Variants in TPRG1 observed in about 807,000 individuals in gnomAD.
TPRG1 encodes tumor protein p63 regulated 1.
In TPRG1, 29 loss-of-function variants were observed where a neutral mutation model predicts 29.3. That is an observed-to-expected ratio of 0.99 (90% CI 0.74 to 1.35). The LOEUF (loss-of-function observed/expected upper bound fraction) is 1.35. TPRG1 is among the 40% of genes most tolerant of loss of function. The pLI is 0.00. For synonymous variants in TPRG1, 130 were observed against 116.8 expected (o/e 1.11, Z -0.73); for missense variants, 327 against 335.0 (o/e 0.98, Z 0.19).
At chr3:189,021,531 C>A (rs1043829695) in intron 3 of TPRG1, among the ~76,000 whole-genome samples, 1 of 152,084 alleles carries the variant, frequency 6.6e-6, no homozygotes, top group Admixed American at 6.6e-5. Flanking sequence ...GTTGAAAATT[C>A]TTTTCTTTAA....
intron 4 of TPRG1, among the ~76,000 whole-genome samples, chr3:189,056,430 C>T (rs1262239196): frequency 6.6e-6 from 1 of 152,014 alleles, no homozygotes; most frequent in African/African-American, 2.4e-5. Context: ...TTTTCTCTCC[C>T]CCTTATTTGT....
chr3:189,296,750 G>C (rs2109239397), intron 4 of TPRG1, among the ~76,000 whole-genome samples: 1 of 152,294 alleles, frequency 6.6e-6, no homozygotes, highest in East Asian at 1.9e-4. Flanking sequence ...AGTTGCTATT[G>C]CTTTTTAAAA....
intron 4 of TPRG1, among the ~76,000 whole-genome samples, chr3:189,067,711 A>G (rs529988143): frequency 6.6e-6 from 1 of 152,234 alleles, no homozygotes; most frequent in Non-Finnish European, 1.5e-5. Flanking sequence ...ACCTCAAGCT[A>G]TGAAACTACT....
chr3:189,075,418 G>A (rs1386167745), intron 4 of TPRG1, among the ~76,000 whole-genome samples: 1 of 152,204 alleles, frequency 6.6e-6, no homozygotes, highest in African/African-American at 2.4e-5. Flanking sequence ...TTACAGGAGT[G>A]AGCCACTGCA....
intron 4 of TPRG1, among the ~76,000 whole-genome samples, chr3:189,037,068 A>T (rs1165701195): frequency 6.6e-6 from 1 of 150,824 alleles, no homozygotes; most frequent in African/African-American, 2.4e-5. Flanking sequence ...AAAAAAAATC[A>T]CCCTCCTTTC....
chr3:189,160,385 A>C (rs1208386164), intron 5 of TPRG1, among the ~76,000 whole-genome samples: 2 of 152,122 alleles, frequency 1.3e-5, no homozygotes, highest in African/African-American at 4.8e-5. Context: ...GTGCTCAGTA[A>C]ATCCCTCCTC....
chr3:189,292,539 C>A (rs889526471), intron 4 of TPRG1, among the ~76,000 whole-genome samples: 2 of 152,070 alleles, frequency 1.3e-5, no homozygotes, highest in African/African-American at 4.8e-5. Flanking sequence ...GGGAGATTAA[C>A]AGAAATAACA....
intron 4 of TPRG1, among the ~76,000 whole-genome samples, chr3:189,250,334 G>A (rs1177758912): frequency 6.6e-6 from 1 of 152,086 alleles, no homozygotes; most frequent in South Asian, 2.1e-4. Flanking sequence ...GGAATCCCGG[G>A]TTCTAGTCCC....
intron 3 of TPRG1, among the ~76,000 whole-genome samples, chr3:189,140,372 A>G (rs1487494971): frequency 2.0e-5 from 3 of 152,160 alleles, no homozygotes; most frequent in African/African-American, 7.2e-5. Flanking sequence ...CAGTTACTTC[A>G]TCTGTAAAAT....
intron 5 of TPRG1, among the ~76,000 whole-genome samples, chr3:189,162,371 G>T (rs1015305189): frequency 1.4e-4 from 21 of 152,314 alleles, no homozygotes; most frequent in African/African-American, 5.1e-4. Context: ...GTTTAGTTTG[G>T]CTGAAGAATA....
intron 3 of TPRG1, chr3:189,132,838 A>G (rs913827017): frequency 1.3e-5 from 2 of 152,162 alleles, no homozygotes; most frequent in Non-Finnish European, 2.9e-5. Context: ...CCAGTGTAGT[A>G]TGTCTATTTT....
At chr3:189,207,126 A>T in intron 1 of TPRG1, 1 of 976,098 alleles carries the variant, frequency 1.0e-6, no homozygotes, top group Non-Finnish European at 1.2e-6. Context: ...GTCTCCTGGG[A>T]TTAAACTCCT....
intron 4 of TPRG1, among the ~76,000 whole-genome samples, chr3:189,034,619 TAAA>T (rs1005901791): frequency 6.6e-6 from 1 of 151,928 alleles, no homozygotes; most frequent in Non-Finnish European, 1.5e-5. Flanking sequence ...TTTAAACAGA[TAAA>T]AAAGAAAAAG....
chr3:189,105,500 C>T (rs185585597), intron 1 of TPRG1, among the ~76,000 whole-genome samples: 13 of 152,206 alleles, frequency 8.5e-5, no homozygotes, highest in Non-Finnish European at 1.2e-4. Flanking sequence ...GAGCCTCTCT[C>T]ATATCCATTA....
At chr3:189,118,908 AAC>A (rs1232562853) in intron 1 of TPRG1, among the ~76,000 whole-genome samples, 2 of 152,246 alleles carry the variant, frequency 1.3e-5, no homozygotes, top group African/African-American at 4.8e-5. Context: ...TCAGAGCCCT[AAC>A]ACAGAGTCCT....
At chr3:189,275,873 T>A (rs1399304071) in intron 4 of TPRG1, among the ~76,000 whole-genome samples, 1 of 152,108 alleles carries the variant, frequency 6.6e-6, no homozygotes, top group East Asian at 1.9e-4. Context: ...CTGTTGAGGA[T>A]TCAAAGAAAA....
At chr3:189,223,497 C>G (rs1737241234) in intron 3 of TPRG1, among the ~76,000 whole-genome samples, 2 of 152,186 alleles carry the variant, frequency 1.3e-5, no homozygotes, top group African/African-American at 4.8e-5. Context: ...TGGCAGCAAC[C>G]TTACCCTGAT....
At chr3:189,089,785 G>T (rs536924752) in intron 4 of TPRG1, among the ~76,000 whole-genome samples, 1 of 152,080 alleles carries the variant, frequency 6.6e-6, no homozygotes, top group African/African-American at 2.4e-5. Flanking sequence ...ACCTTTTAAA[G>T]GTCCCACCTT....
intron 3 of TPRG1, among the ~76,000 whole-genome samples, chr3:189,141,620 G>A (rs1451882936): frequency 3.3e-5 from 5 of 152,162 alleles, no homozygotes; most frequent in Admixed American, 6.5e-5. Context: ...TATATTTAAA[G>A]ACTGTACAAA....
Sources: gnomAD v4.1 joint callset for allele counts (sites outside exome capture counted in the v4.1 genomes callset) on GRCh38, gnomAD v4.1.1 for gene constraint, MANE v1.5 for transcripts, NCBI Gene and HGNC (gene_info 2026-07-23, HGNC 2026-07-21) for gene names.